KCNK2: variants seen among roughly 807,000 people sequenced by gnomAD.
KCNK2 encodes potassium two pore domain channel subfamily K member 2.
In KCNK2, 21 loss-of-function variants were observed where a neutral mutation model predicts 40.5. That is an observed-to-expected ratio of 0.52 (90% CI 0.37 to 0.75). The LOEUF (loss-of-function observed/expected upper bound fraction) is 0.75, where lower values mean the gene tolerates loss of function less well. Among genes scored for constraint, KCNK2 ranks in the 30% least tolerant of loss-of-function variants. The pLI is 0.00. For missense variants in KCNK2, 399 were observed against 531.6 expected (o/e 0.75, Z 2.45); for synonymous variants, 191 against 202.2 (o/e 0.94, Z 0.47).
At chr1:215,168,207 G>T (rs1391193629) in intron 3 of KCNK2, among the ~76,000 whole-genome samples, 1 of 152,132 alleles carries the variant, frequency 6.6e-6, no homozygotes, top group East Asian at 1.9e-4. Flanking sequence ...AAAAAGTAAA[G>T]AAACAACAGA....
chr1:215,083,871 C>G (rs1356149682), intron 1 of KCNK2, among the ~76,000 whole-genome samples: 1 of 152,076 alleles, frequency 6.6e-6, no homozygotes. Flanking sequence ...TGGGTGAGAA[C>G]AGAAGACCGG....
chr1:215,218,104 A>T (rs1215725622), intron 6 of KCNK2, among the ~76,000 whole-genome samples: 4 of 152,220 alleles, frequency 2.6e-5, no homozygotes, highest in African/African-American at 7.2e-5. Flanking sequence ...CCACTTCACT[A>T]AGGCACTAAT....
In KCNK2 at chr1:215,119,217, T is replaced by G. The variant is rs142804214; in HGVS notation, c.358-5416T>G. Among the ~76,000 whole-genome samples, 969 of 152,320 alleles carry G rather than the reference T, an allele frequency of 6.4e-3. 38 individuals carry two copies. The highest frequency in any genetic ancestry group is 0.059 in the Admixed American group (902 of 15,296). ...AAACATTTTCATGATTGTCAGTCAC[T>G]TCCTTGAATGCCAAGTCTGTACTAG... On this transcript the variant is annotated intron_variant, in intron 2 of 6. Transcript: ENST00000444842.
At chr1:215,172,746 T>C (rs1663774917) in intron 5 of KCNK2, among the ~76,000 whole-genome samples, 1 of 152,084 alleles carries the variant, frequency 6.6e-6, no homozygotes, top group Non-Finnish European at 1.5e-5. Context: ...AAACTCTGCC[T>C]CCTGGGTTCG....
intron 2 of KCNK2, among the ~76,000 whole-genome samples, chr1:215,099,583 T>A (rs1483972716): frequency 1.3e-5 from 2 of 151,900 alleles, no homozygotes; most frequent in Non-Finnish European, 2.9e-5. Flanking sequence ...TGTAATGTAT[T>A]CTTTGGTGAT....
intron 6 of KCNK2, among the ~76,000 whole-genome samples, chr1:215,204,051 A>AG (rs1302191686): frequency 6.7e-5 from 10 of 149,286 alleles, no homozygotes; most frequent in South Asian, 4.3e-4. Flanking sequence ...AAAAAAAAAA[A>AG]AAAAAAAAAA....
intron 6 of KCNK2, among the ~76,000 whole-genome samples, chr1:215,232,709 A>G (rs916362876): frequency 6.6e-6 from 1 of 152,196 alleles, no homozygotes; most frequent in African/African-American, 2.4e-5. Flanking sequence ...TTTTAAGATA[A>G]CACAAAAAAG....
intron 3 of KCNK2, among the ~76,000 whole-genome samples, chr1:215,127,688 C>T (rs1201817562): frequency 6.6e-6 from 1 of 152,162 alleles, no homozygotes; most frequent in African/African-American, 2.4e-5. Context: ...GCTGATTTTT[C>T]ATAGTAAAAT....
intron 1 of KCNK2, among the ~76,000 whole-genome samples, chr1:215,039,670 T>A (rs1365944695): frequency 6.6e-6 from 1 of 152,202 alleles, no homozygotes; most frequent in Non-Finnish European, 1.5e-5. Flanking sequence ...ACAATTTTTT[T>A]AATGGACGAT....
At chr1:215,018,994 CACACA>C (rs1190267773) in intron 1 of KCNK2, among the ~76,000 whole-genome samples, 3 of 57,088 alleles carry the variant, frequency 5.3e-5, no homozygotes, top group Non-Finnish European at 1.3e-4. Flanking sequence ...CACACACACA[CACACA>C]AAAAAAAAAC....
intron 3 of KCNK2, among the ~76,000 whole-genome samples, chr1:215,126,289 C>T (rs538131714): frequency 2.6e-5 from 4 of 152,098 alleles, no homozygotes; most frequent in Admixed American, 1.3e-4. Flanking sequence ...TGATTTTTTG[C>T]CTTTTTTAAG....
At chr1:215,067,980 A>C (rs1004993387) in intron 1 of KCNK2, among the ~76,000 whole-genome samples, 5 of 152,146 alleles carry the variant, frequency 3.3e-5, no homozygotes, top group African/African-American at 1.2e-4. Context: ...TATTTCAATA[A>C]ATGTTATGTA....
chr1:215,230,585 TAA>T (rs1491502936), intron 6 of KCNK2, among the ~76,000 whole-genome samples: 6 of 11,262 alleles, frequency 5.3e-4, no homozygotes, highest in African/African-American at 6.7e-4. Flanking sequence ...TACAAGACCG[TAA>T]TATATATATA....
intron 1 of KCNK2, among the ~76,000 whole-genome samples, chr1:215,011,494 A>G (rs1041167447): frequency 3.3e-5 from 5 of 151,892 alleles, no homozygotes; most frequent in Non-Finnish European, 7.4e-5. Flanking sequence ...GGGTTTTGCT[A>G]TGTTGCCAGG....
intron 6 of KCNK2, among the ~76,000 whole-genome samples, chr1:215,227,370 G>A (rs1351542592): frequency 1.3e-5 from 2 of 152,140 alleles, no homozygotes; most frequent in African/African-American, 4.8e-5. Flanking sequence ...GAGGGACTGG[G>A]AAACAGCATT....
chr1:215,204,036 T>A (rs1179836183), intron 6 of KCNK2, among the ~76,000 whole-genome samples: 1 of 3,068 alleles, frequency 3.3e-4, no homozygotes, highest in Admixed American at 9.1e-3. Context: ...AGACTCCGTC[T>A]CAAAAAAAAA....
chr1:215,213,665 C>G lies in KCNK2; in HGVS notation c.963+18573C>G, dbSNP rs946892459. 5.3e-5 allele frequency among the ~76,000 whole-genome samples: 8 copies of G among 152,128 alleles called. No individual in the cohort carries two copies. The South Asian group carries it at 6.2e-4, about 12-fold the overall frequency. ...TATAAAATTACTATTAAATAAATTA[C>G]TAATTAATTACTATTAAATGAATAG... On this transcript the variant is annotated intron_variant, in intron 6 of 6. Coordinates refer to ENST00000444842, the MANE Select transcript of KCNK2 (RefSeq NM_001017425.3).
At position 215,137,427 on chromosome 1, in the gene KCNK2, A is replaced by G. The variant is rs61818331; in HGVS notation, c.475+12677A>G. 9.7e-3 allele frequency among the ~76,000 whole-genome samples: 1,472 copies of G among 152,348 alleles called. 22 individuals carry two copies. The highest frequency in any genetic ancestry group is 0.061 in the South Asian group (295 of 4,830). On this transcript the variant is annotated intron_variant, in intron 3 of 6. Coordinates refer to ENST00000444842, the MANE Select transcript of KCNK2 (RefSeq NM_001017425.3). ...TATTGACTTTGGCTGCCTTCATGCT[A>G]TAATGGCAGAATCAAATACTTACAG...
upstream of KCNK2, among the ~76,000 whole-genome samples, chr1:215,080,342 C>A (rs1397929364): frequency 6.6e-6 from 1 of 151,812 alleles, no homozygotes; most frequent in Non-Finnish European, 1.5e-5. Flanking sequence ...GAATTGCGAA[C>A]AAAATGGGAA....
Sources: allele counts gnomAD v4.1 joint callset (sites outside exome capture counted in the v4.1 genomes callset), GRCh38; gene constraint gnomAD v4.1.1; transcripts MANE v1.5; gene names NCBI Gene and HGNC (gene_info 2026-07-23, HGNC 2026-07-21).